The following TENM2 variants were observed in gnomAD, a reference collection of about 807,000 sequenced individuals.
TENM2 encodes teneurin transmembrane protein 2.
A neutral mutation model predicts 245.2 loss-of-function variants in TENM2; 52 were observed. That is an observed-to-expected ratio of 0.21 (90% CI 0.17 to 0.27). The LOEUF (loss-of-function observed/expected upper bound fraction) is 0.27. TENM2 is among the 10% of genes least tolerant of loss of function. The pLI is 1.00. For missense variants in TENM2, 3,046 were observed against 3,666.8 expected (o/e 0.83, Z 4.37); for synonymous variants, 1,363 against 1,438.9 (o/e 0.95, Z 1.19).
At chr5:167,916,892 G>A (rs1334482544) in intron 3 of TENM2, among the ~76,000 whole-genome samples, 2 of 152,210 alleles carry the variant, frequency 1.3e-5, no homozygotes, top group Non-Finnish European at 2.9e-5. Context: ...GCTGATCTCA[G>A]CATTGTTGCC....
At chr5:167,853,522 A>G (rs1341247448) in intron 2 of TENM2, among the ~76,000 whole-genome samples, 1 of 151,982 alleles carries the variant, frequency 6.6e-6, no homozygotes, top group South Asian at 2.1e-4. Flanking sequence ...TTCACTCATA[A>G]CATACTTTCA....
intron 1 of TENM2, among the ~76,000 whole-genome samples, chr5:167,357,641 A>G (rs890594351): frequency 1.3e-5 from 2 of 152,144 alleles, no homozygotes; most frequent in Non-Finnish European, 2.9e-5. Flanking sequence ...AGTCACCACA[A>G]TTTAATTATT....
At chr5:167,991,023 G>A (rs1783625749) in intron 4 of TENM2, among the ~76,000 whole-genome samples, 1 of 152,164 alleles carries the variant, frequency 6.6e-6, no homozygotes, top group South Asian at 2.1e-4. Context: ...CAGGCAGACT[G>A]GAGCTTGAGC....
the TENM2 span, among the ~76,000 whole-genome samples, chr5:167,087,013 G>A: frequency 6.6e-6 from 1 of 151,520 alleles, no homozygotes; most frequent in Non-Finnish European, 1.5e-5. Context: ...AATTGATCTG[G>A]GGTGGGGTCC....
At chr5:167,702,101 A>G (rs1469202158) in intron 2 of TENM2, among the ~76,000 whole-genome samples, 2 of 152,168 alleles carry the variant, frequency 1.3e-5, no homozygotes, top group Admixed American at 1.3e-4. Flanking sequence ...CTGGAAAAGG[A>G]TTATTGACAT....
At chr5:167,747,610 A>G (rs963029795) in intron 2 of TENM2, among the ~76,000 whole-genome samples, 1 of 152,142 alleles carries the variant, frequency 6.6e-6, no homozygotes, top group Non-Finnish European at 1.5e-5. Flanking sequence ...GAGTCATTTG[A>G]TCATGGGGAT....
intron 2 of TENM2, among the ~76,000 whole-genome samples, chr5:167,817,982 T>C (rs947740359): frequency 2.0e-5 from 3 of 152,150 alleles, no homozygotes; most frequent in Non-Finnish European, 2.9e-5. Flanking sequence ...AGACGGGATG[T>C]ATAGATAAGA....
chr5:167,040,386 C>T, the TENM2 span, among the ~76,000 whole-genome samples: 1 of 152,078 alleles, frequency 6.6e-6, no homozygotes, highest in Non-Finnish European at 1.5e-5. Flanking sequence ...ATAAAGTCCC[C>T]AGGTGAGCTG....
chr5:167,816,442 T>C (rs1767062244), intron 2 of TENM2, among the ~76,000 whole-genome samples: 1 of 152,212 alleles, frequency 6.6e-6, no homozygotes, highest in African/African-American at 2.4e-5. Context: ...ATGAGGATTA[T>C]ACAGTTTCTG....
At chr5:168,165,651 C>G (rs1239817196) in intron 13 of TENM2, among the ~76,000 whole-genome samples, 1 of 19,026 alleles carries the variant, frequency 5.3e-5, no homozygotes, top group African/African-American at 2.9e-4. Flanking sequence ...CCCCCCAACC[C>G]CCCCCCCCCC....
At chr5:168,106,586 G>T (rs1433527886) in intron 9 of TENM2, among the ~76,000 whole-genome samples, 1 of 152,204 alleles carries the variant, frequency 6.6e-6, no homozygotes, top group Non-Finnish European at 1.5e-5. Flanking sequence ...GTCTGGCCTG[G>T]ACTTTCAACA....
intron 2 of TENM2, among the ~76,000 whole-genome samples, chr5:167,598,205 G>T (rs1776356716): frequency 6.6e-6 from 1 of 152,154 alleles, no homozygotes; most frequent in Admixed American, 6.6e-5. Context: ...ATTAGAGGAA[G>T]GCATATGGTT....
the TENM2 span, among the ~76,000 whole-genome samples, chr5:167,224,919 C>G: frequency 6.6e-6 from 1 of 152,036 alleles, no homozygotes; most frequent in East Asian, 1.9e-4. Context: ...TCTTTCACCT[C>G]TTTGGTTAAA....
chr5:167,078,117 T>C, the TENM2 span, among the ~76,000 whole-genome samples: 1 of 152,020 alleles, frequency 6.6e-6, no homozygotes, highest in Admixed American at 6.6e-5. Context: ...AGGATTATAG[T>C]TAAGGTCAAG....
intron 4 of TENM2, among the ~76,000 whole-genome samples, chr5:167,987,672 T>C (rs1783353145): frequency 6.6e-6 from 1 of 152,146 alleles, no homozygotes; most frequent in African/African-American, 2.4e-5. Flanking sequence ...CATACCTGGA[T>C]AGGGCCCAGG....
At chr5:167,379,194 A>G (rs1760946780) in intron 2 of TENM2, among the ~76,000 whole-genome samples, 1 of 152,222 alleles carries the variant, frequency 6.6e-6, no homozygotes, top group Non-Finnish European at 1.5e-5. Flanking sequence ...ATGCATTTAT[A>G]AAACAAGCTG....
chr5:167,821,841 T>G (rs1767553271), intron 2 of TENM2, among the ~76,000 whole-genome samples: 1 of 152,114 alleles, frequency 6.6e-6, no homozygotes, highest in Non-Finnish European at 1.5e-5. Flanking sequence ...GGGTCTGTGC[T>G]TTGCTTATCT....
intron 2 of TENM2, among the ~76,000 whole-genome samples, chr5:167,592,234 AG>A (rs1041215714): frequency 6.6e-6 from 1 of 152,212 alleles, no homozygotes; most frequent in African/African-American, 2.4e-5. Flanking sequence ...TGATTTTAAA[AG>A]CATCCCAAAG....
the TENM2 span, among the ~76,000 whole-genome samples, chr5:167,028,527 A>G: frequency 6.6e-6 from 1 of 152,024 alleles, no homozygotes; most frequent in African/African-American, 2.4e-5. Flanking sequence ...ATTTTTATAT[A>G]TTTGGTTAAT....
Sources: allele counts gnomAD v4.1 joint callset (sites outside exome capture counted in the v4.1 genomes callset), GRCh38; gene constraint gnomAD v4.1.1; transcripts MANE v1.5; gene names NCBI Gene and HGNC (gene_info 2026-07-23, HGNC 2026-07-21).